Variants in SEC14L1 observed in about 807,000 individuals in gnomAD.
The protein encoded by SEC14L1 is SEC14 like lipid binding 1, also known as SEC14-like protein 1.
In SEC14L1, 48 loss-of-function variants were observed where a neutral mutation model predicts 85.3. The observed-to-expected ratio is 0.56, with a 90% CI of 0.45 to 0.72. The LOEUF (loss-of-function observed/expected upper bound fraction) is 0.72, where lower values mean the gene tolerates loss of function less well. SEC14L1 is among the 30% of genes least tolerant of loss of function. The pLI is 0.00. For synonymous variants in SEC14L1, 391 were observed against 355.5 expected (o/e 1.10, Z -1.12); for missense variants, 682 against 921.4 (o/e 0.74, Z 3.36).
At chr17:77,158,077 A>T (rs934624327) in intron 3 of SEC14L1, among the ~76,000 whole-genome samples, 1 of 152,150 alleles carries the variant, frequency 6.6e-6, no homozygotes, top group African/African-American at 2.4e-5. Flanking sequence ...TTTAGTAGAG[A>T]TGGGGTTTCA....
chr17:77,181,233 T>C (rs9909528), intron 3 of SEC14L1: 42,401 of 152,374 alleles, frequency 0.28, 6,147 homozygotes, highest in Middle Eastern at 0.33. Context: ...CTTCTCTCTC[T>C]GGGTTTCTCT....
In SEC14L1 at chr17:77,146,058, A is replaced by G. The variant is rs952315451; in HGVS notation, c.63+2399A>G. 2.0e-5 allele frequency among the ~76,000 whole-genome samples: 3 copies of G among 152,282 alleles called. No homozygotes were observed. In the East Asian group the frequency reaches 5.8e-4, roughly 29 times the overall value. On this transcript the variant is annotated intron_variant, in intron 3 of 16. Coordinates refer to ENST00000436233, the MANE Select transcript of SEC14L1 (RefSeq NM_001143998.2). ...CACATCCTTGAGAGAAACTTGATCT[A>G]GTTCATTCCCCACCCCGACCCCTGC... is the stretch of plus-strand genomic sequence containing the variant.
At chr17:77,200,389 G>C (rs1311913258) in intron 8 of SEC14L1, 95 bp from the exon 9 acceptor site, 3 of 948,998 alleles carry the variant, frequency 3.2e-6, no homozygotes, top group Admixed American at 2.2e-5. Flanking sequence ...GGCTGGTCTT[G>C]AACTCCTGAG....
At chr17:77,106,255 C>A (rs868781809) in intron 3 of SEC14L1, among the ~76,000 whole-genome samples, 10 of 151,990 alleles carry the variant, frequency 6.6e-5, no homozygotes, top group Non-Finnish European at 1.3e-4. Context: ...TATAGGAGGC[C>A]AGGTGTGGTG....
rs573731790 is a variant in SEC14L1 at position 77,147,279 on chromosome 17, C to T, written c.63+3620C>T. ...GGAAAATTGTTCAGGTAAAAAGTGC[C>T]TAGTATAAATAGGTACACAGTCAGG... On this transcript the variant is annotated intron_variant, in intron 3 of 16. Transcript: ENST00000436233. Among the ~76,000 whole-genome samples the T allele has an allele frequency of 4.6e-5, 7 of 152,044 alleles. No homozygotes were observed. The East Asian group carries it at 1.4e-3, about 29-fold the overall frequency.
intron 3 of SEC14L1, among the ~76,000 whole-genome samples, chr17:77,113,668 C>T (rs879530127): frequency 2.6e-4 from 40 of 152,132 alleles, no homozygotes; most frequent in African/African-American, 8.9e-4. Flanking sequence ...ATTGCTTGAA[C>T]CCAGGAAGCA....
chr17:77,166,202 A>G (rs750096218), intron 3 of SEC14L1, among the ~76,000 whole-genome samples: 39 of 152,274 alleles, frequency 2.6e-4, no homozygotes, highest in African/African-American at 7.7e-4. Context: ...TGGCCTCTCA[A>G]ATTGCTGGGA....
intron 2 of SEC14L1, chr17:77,089,381 C>T: frequency 1.9e-6 from 1 of 518,986 alleles, no homozygotes; most frequent in Non-Finnish European, 3.8e-6. Context: ...GCAGCCCAAC[C>T]CTGACCTAAA....
intron 8 of SEC14L1, 80 bp downstream of exon 8, chr17:77,196,391 G>C: frequency 2.4e-6 from 2 of 821,854 alleles, no homozygotes; most frequent in South Asian, 1.7e-5. Context: ...TAGTCACCAA[G>C]AGTGATATTC....
At chr17:77,153,850 A>G (rs752093583) in intron 3 of SEC14L1, among the ~76,000 whole-genome samples, 3 of 152,152 alleles carry the variant, frequency 2.0e-5, no homozygotes, top group African/African-American at 4.8e-5. Flanking sequence ...GTTATAATTG[A>G]TCCATCTCTC....
At chr17:77,121,030 G>A (rs1468048206) in intron 3 of SEC14L1, among the ~76,000 whole-genome samples, 3 of 152,214 alleles carry the variant, frequency 2.0e-5, no homozygotes, top group Non-Finnish European at 2.9e-5. Context: ...TGCCTAATCC[G>A]GGTGAGGTGG....
Position 77,199,552 on chromosome 17 carries a change from C to T in SEC14L1, c.820-932C>T, listed in dbSNP as rs71384147. On this transcript the variant is annotated intron_variant, in intron 8 of 16. Transcript: ENST00000436233. ...TTCTCAACATCATCCATGTTTAATT[C>T]TCTTTTGTCTCTGGCACTACGAAGG... 8.2e-3 allele frequency: 1,263 copies of T among 153,840 alleles called. 8 individuals carry two copies. The highest frequency in any genetic ancestry group is 9.8e-3 in the Non-Finnish European group (670 of 68,558). The allele number at this position is 153,840 out of a possible 1,614,324, so 9.5% of individuals were successfully genotyped here. A position where few individuals can be genotyped will look rare whatever the true frequency, so the allele number is the denominator to read the frequency against.
At chr17:77,205,697 T>C (rs1447821279) in intron 11 of SEC14L1, among the ~76,000 whole-genome samples, 3 of 152,206 alleles carry the variant, frequency 2.0e-5, no homozygotes, top group Non-Finnish European at 4.4e-5. Context: ...TGAAAATGTT[T>C]AGTGATTCAG....
At chr17:77,171,746 A>G (rs983052336) in intron 3 of SEC14L1, among the ~76,000 whole-genome samples, 4 of 152,150 alleles carry the variant, frequency 2.6e-5, no homozygotes, top group Non-Finnish European at 4.4e-5. Context: ...GCAGGTGCAG[A>G]CCCGTTATTA....
chr17:77,210,462 G>A (rs1976689091), intron 14 of SEC14L1: 1 of 152,842 alleles, frequency 6.5e-6, no homozygotes, highest in African/African-American at 2.4e-5. Context: ...GTGCTGGCTT[G>A]GGCAATGGTG....
Position 77,214,555 on chromosome 17 carries a change from G to A in SEC14L1, c.*532G>A. The stretch of plus-strand genomic sequence containing the variant: ...CCAGCCCTTGAGGTCCTTATCCTCT[G>A]AGGATTCAGAGGTTGCCTGCGGAGT... On this transcript the variant is annotated 3_prime_UTR_variant, in exon 17 of 17. Transcript: ENST00000436233. The A allele has an allele frequency of 2.0e-6, 2 of 990,124 alleles. No individual in the cohort carries two copies. Among genetic ancestry groups the A allele is most frequent in the Non-Finnish European group, 2.4e-6 (2 of 832,726 alleles). 61.3% of individuals were successfully genotyped at this position (990,124 alleles called of 1,614,324 possible).
At chr17:77,134,141 C>T (rs1436244619) in intron 3 of SEC14L1, among the ~76,000 whole-genome samples, 1 of 152,072 alleles carries the variant, frequency 6.6e-6, no homozygotes, top group Non-Finnish European at 1.5e-5. Context: ...CCTGATGTCA[C>T]TTACCCTGCC....
At position 77,149,038 on chromosome 17, in the gene SEC14L1, T is replaced by C. The variant is rs184025767; in HGVS notation, c.63+5379T>C. ...TCTTTTCAGACTTCTTTGCCTCAGA[T>C]GTTTGCCATTCCCCATCTGTCTCTC... is the stretch of plus-strand genomic sequence containing the variant. On this transcript the variant is annotated intron_variant, in intron 3 of 16. Transcript: ENST00000436233. Among the ~76,000 whole-genome samples, 352 of 152,338 alleles carry C rather than the reference T, an allele frequency of 2.3e-3. 3 individuals carry two copies. Among genetic ancestry groups the C allele is most frequent in the Non-Finnish European group, 3.9e-3 (268 of 68,026 alleles).
chr17:77,211,057 T>G (rs1241988645), intron 14 of SEC14L1: 1 of 152,358 alleles, frequency 6.6e-6, no homozygotes, highest in Non-Finnish European at 1.5e-5. Context: ...CCGCCTGCTG[T>G]TCTTAGACAG....
Sources: allele counts gnomAD v4.1 joint callset (sites outside exome capture counted in the v4.1 genomes callset), GRCh38; gene constraint gnomAD v4.1.1; transcripts MANE v1.5; gene names NCBI Gene and HGNC (gene_info 2026-07-23, HGNC 2026-07-21).